Variants in MEOX2 observed in about 807,000 individuals in gnomAD.
MEOX2 encodes the protein mesenchyme homeobox 2.
A neutral mutation model predicts 27.0 loss-of-function variants in MEOX2; 11 were observed. The observed-to-expected ratio is 0.41, with a 90% CI of 0.26 to 0.68. MEOX2 has a LOEUF of 0.68. Ranked by LOEUF, MEOX2 falls within the 30% of genes least tolerant of loss-of-function variation. The pLI is 0.33. For missense variants in MEOX2, 436 were observed against 385.4 expected (o/e 1.13, Z -1.10); for synonymous variants, 189 against 155.4 (o/e 1.22, Z -1.61).
intron 2 of MEOX2, 40 bp from the exon 3 acceptor site, chr7:15,612,651 G>C: frequency 6.4e-7 from 1 of 1,566,044 alleles, no homozygotes; most frequent in Non-Finnish European, 8.8e-7. Context: ...GAAAAAAAGA[G>C]ATAATTAAAG....
intron 1 of MEOX2, among the ~76,000 whole-genome samples, chr7:15,633,314 G>A (rs1781430686): frequency 6.6e-6 from 1 of 151,912 alleles, no homozygotes; most frequent in African/African-American, 2.4e-5. Flanking sequence ...TCTTATGTCA[G>A]CAAATGGCCT....
chr7:15,614,992 A>G (rs1006229003), intron 2 of MEOX2, among the ~76,000 whole-genome samples: 2 of 152,148 alleles, frequency 1.3e-5, no homozygotes, highest in Non-Finnish European at 2.9e-5. Context: ...GAAATCATGT[A>G]TCATATATTG....
chr7:15,641,583 CTT>C (rs1210441496), intron 1 of MEOX2, among the ~76,000 whole-genome samples: 1 of 152,066 alleles, frequency 6.6e-6, no homozygotes, highest in African/African-American at 2.4e-5. Context: ...CAATCTGTAT[CTT>C]TTAAGTGGGG....
intron 1 of MEOX2, among the ~76,000 whole-genome samples, chr7:15,636,570 G>A (rs1781481100): frequency 6.6e-6 from 1 of 151,940 alleles, no homozygotes; most frequent in African/African-American, 2.4e-5. Context: ...TAATCAAATT[G>A]TGATTGTTTT....
rs368266927 is a variant in MEOX2 at position 15,661,290 on chromosome 7, GA to G, written c.517+24595del. Among the ~76,000 whole-genome samples the G allele has an allele frequency of 2.6e-3, 402 of 152,098 alleles. 1 individual carries two copies. Among genetic ancestry groups the G allele is most frequent in the African/African-American group, 9.4e-3 (392 of 41,494 alleles). ...TGAGCTACTTCACATAATAAACTAAGAACCGTATTCACTCACATCTCTAATT... is the reference window on the plus strand; with the variant it reads ...TGAGCTACTTCACATAATAAACTAAGACCGTATTCACTCACATCTCTAATT... On this transcript the variant is annotated intron_variant, in intron 1 of 2. Transcript: ENST00000262041.
chr7:15,673,556 A>AT (rs561092541), intron 1 of MEOX2, among the ~76,000 whole-genome samples: 274 of 117,112 alleles, frequency 2.3e-3, no homozygotes, highest in East Asian at 5.3e-3. Context: ...CAAAATAAAG[A>AT]TTTTTTTTTT....
chr7:15,684,036 A>T (rs553262324), intron 1 of MEOX2, among the ~76,000 whole-genome samples: 31 of 152,342 alleles, frequency 2.0e-4, no homozygotes, highest in African/African-American at 5.5e-4. Context: ...TTATTAAAAT[A>T]AATTAAGGGA....
chr7:15,661,046 A>G (rs1021044173), intron 1 of MEOX2, among the ~76,000 whole-genome samples: 4 of 150,020 alleles, frequency 2.7e-5, no homozygotes, highest in African/African-American at 7.3e-5. Context: ...AAAAAAGAGA[A>G]AGAGAGAGAA....
intron 1 of MEOX2, among the ~76,000 whole-genome samples, chr7:15,670,513 GGAGTTACT>G (rs140245845): frequency 1.5e-3 from 225 of 152,254 alleles, no homozygotes; most frequent in African/African-American, 5.0e-3. Context: ...CTGTCCAGCT[GGAGTTACT>G]GACATATGAA....
intron 1 of MEOX2, among the ~76,000 whole-genome samples, chr7:15,646,927 T>C (rs1349839035): frequency 2.0e-5 from 3 of 152,004 alleles, no homozygotes; most frequent in African/African-American, 7.2e-5. Context: ...ATATATTTGC[T>C]ACATTAAAGG....
At chr7:15,622,040 C>G (rs932501629) in intron 2 of MEOX2, among the ~76,000 whole-genome samples, 2 of 152,216 alleles carry the variant, frequency 1.3e-5, no homozygotes, top group South Asian at 4.1e-4. Context: ...TTGCTTGAAC[C>G]CAGGAGGCGG....
intron 1 of MEOX2, among the ~76,000 whole-genome samples, chr7:15,671,535 G>A (rs1252688908): frequency 1.3e-5 from 2 of 152,122 alleles, no homozygotes; most frequent in Non-Finnish European, 2.9e-5. Flanking sequence ...GAGCTGAAAT[G>A]ACTTTATTAG....
At chr7:15,642,693 G>A (rs1436372795) in intron 1 of MEOX2, among the ~76,000 whole-genome samples, 1 of 152,170 alleles carries the variant, frequency 6.6e-6, no homozygotes, top group Non-Finnish European at 1.5e-5. Flanking sequence ...TTTCTTCATG[G>A]TGCTAGAATT....
chr7:15,615,211 A>T (rs1413676357), intron 2 of MEOX2, among the ~76,000 whole-genome samples: 1 of 152,014 alleles, frequency 6.6e-6, no homozygotes, highest in Non-Finnish European at 1.5e-5. Context: ...AGTTTTCCAG[A>T]TATTATTACC....
intron 1 of MEOX2, among the ~76,000 whole-genome samples, chr7:15,658,631 A>C (rs1781862263): frequency 6.6e-6 from 1 of 152,150 alleles, no homozygotes; most frequent in South Asian, 2.1e-4. Flanking sequence ...TCTAATCCCC[A>C]ATGTGATGGT....
At chr7:15,625,151 A>G (rs1008012156) in intron 2 of MEOX2, among the ~76,000 whole-genome samples, 1 of 152,188 alleles carries the variant, frequency 6.6e-6, no homozygotes, top group African/African-American at 2.4e-5. Context: ...TCTACTATAT[A>G]AAACACGGTT....
At chr7:15,677,425 G>A (rs1170171474) in intron 1 of MEOX2, 1 of 152,220 alleles carries the variant, frequency 6.6e-6, no homozygotes, top group East Asian at 1.9e-4. Flanking sequence ...TGTTCTCCCA[G>A]ATATGCTTGC....
chr7:15,644,381 C>A (rs986740197), intron 1 of MEOX2, among the ~76,000 whole-genome samples: 2 of 152,106 alleles, frequency 1.3e-5, no homozygotes, highest in Non-Finnish European at 2.9e-5. Context: ...CCTCTTTTAC[C>A]CCTTATGATA....
At chr7:15,620,848 A>T (rs942989997) in intron 2 of MEOX2, among the ~76,000 whole-genome samples, 1 of 152,226 alleles carries the variant, frequency 6.6e-6, no homozygotes, top group African/African-American at 2.4e-5. Context: ...ACTAGTTTAC[A>T]AGTCTACAAC....
Sources: allele counts gnomAD v4.1 joint callset (sites outside exome capture counted in the v4.1 genomes callset), GRCh38; gene constraint gnomAD v4.1.1; transcripts MANE v1.5; gene names NCBI Gene and HGNC (gene_info 2026-07-23, HGNC 2026-07-21).